The following CNTNAP2 variants were observed in gnomAD, a reference collection of about 807,000 sequenced individuals.
CNTNAP2 encodes contactin-associated protein-like 2.
A neutral mutation model predicts 155.2 loss-of-function variants in CNTNAP2; 98 were observed. The observed-to-expected ratio is 0.63, with a 90% confidence interval of 0.54 to 0.75. The LOEUF is 0.75. Ranked by LOEUF, CNTNAP2 falls within the 30% of genes least tolerant of loss-of-function variation. The pLI is 0.00. For missense variants in CNTNAP2, 1,727 were observed against 1,688.1 expected, an observed-to-expected ratio of 1.02 and a Z score of -0.40; for synonymous variants, 651 against 631.2, an observed-to-expected ratio of 1.03 and a Z score of -0.47.
chr7:147,307,816 C>G (rs1325927223), intron 9 of CNTNAP2, among the ~76,000 whole-genome samples: 1 of 152,142 alleles, frequency 6.6e-6, no homozygotes, highest in African/African-American at 2.4e-5. Flanking sequence ...TACATTCATT[C>G]ATTTATATCC....
intron 1 of CNTNAP2, among the ~76,000 whole-genome samples, chr7:146,583,667 TAG>T: frequency 6.6e-6 from 1 of 152,200 alleles, no homozygotes; most frequent in Non-Finnish European, 1.5e-5. Context: ...AAGATTAATA[TAG>T]GTCTTGTTAC....
At chr7:146,754,073 C>T (rs1445913890) in intron 1 of CNTNAP2, among the ~76,000 whole-genome samples, 1 of 151,998 alleles carries the variant, frequency 6.6e-6, no homozygotes. Context: ...GGCTTTCCTG[C>T]TTTCAATAAG....
At chr7:146,537,536 C>T (rs529998349) in intron 1 of CNTNAP2, among the ~76,000 whole-genome samples, 8 of 151,962 alleles carry the variant, frequency 5.3e-5, no homozygotes, top group Non-Finnish European at 1.0e-4. Context: ...AAATATGTCA[C>T]GTCAGATGGT....
intron 15 of CNTNAP2, among the ~76,000 whole-genome samples, chr7:148,026,450 C>CAA (rs1329437178): frequency 6.6e-6 from 1 of 151,884 alleles, no homozygotes; most frequent in Non-Finnish European, 1.5e-5. Context: ...GACCCCGTCT[C>CAA]AAAAATATAT....
intron 13 of CNTNAP2, among the ~76,000 whole-genome samples, chr7:147,660,936 T>G (rs1273479697): frequency 6.6e-6 from 1 of 152,186 alleles, no homozygotes; most frequent in Non-Finnish European, 1.5e-5. Context: ...ATACTCTTCC[T>G]CTGTCAGAAT....
chr7:146,920,253 A>C (rs1314243553), intron 3 of CNTNAP2, among the ~76,000 whole-genome samples: 4 of 152,092 alleles, frequency 2.6e-5, no homozygotes, highest in African/African-American at 9.7e-5. Flanking sequence ...ATCTCTACTA[A>C]AAATACAAAA....
At chr7:146,907,891 G>A (rs1011597250) in intron 3 of CNTNAP2, among the ~76,000 whole-genome samples, 2 of 152,298 alleles carry the variant, frequency 1.3e-5, no homozygotes, top group East Asian at 1.9e-4. Context: ...TCAGTGTGCT[G>A]TCTTCAGGAA....
chr7:146,861,606 G>A (rs1373171831), intron 3 of CNTNAP2, among the ~76,000 whole-genome samples: 2 of 152,072 alleles, frequency 1.3e-5, no homozygotes, highest in South Asian at 2.1e-4. Flanking sequence ...TTAGCAGGGG[G>A]TAACCATAAA....
At chr7:147,828,575 G>A (rs1798497667) in intron 13 of CNTNAP2, among the ~76,000 whole-genome samples, 1 of 152,030 alleles carries the variant, frequency 6.6e-6, no homozygotes, top group Non-Finnish European at 1.5e-5. Context: ...GGTAATAAAG[G>A]CAAAGTGCCT....
intron 3 of CNTNAP2, among the ~76,000 whole-genome samples, chr7:147,033,178 A>ATATG (rs1799074081): frequency 1.8e-5 from 1 of 54,888 alleles, no homozygotes; most frequent in Non-Finnish European, 3.9e-5. Flanking sequence ...ATATATATAT[A>ATATG]TATATATATA....
At chr7:147,466,782 G>T (rs4604347) in intron 10 of CNTNAP2, among the ~76,000 whole-genome samples, 1 of 152,018 alleles carries the variant, frequency 6.6e-6, no homozygotes, top group Non-Finnish European at 1.5e-5. Flanking sequence ...GCTGGGCATG[G>T]TGGCGGGTGC....
intron 1 of CNTNAP2, among the ~76,000 whole-genome samples, chr7:146,363,334 C>T (rs1004248912): frequency 2.6e-5 from 4 of 152,142 alleles, no homozygotes; most frequent in African/African-American, 9.7e-5. Flanking sequence ...GTCTATCTAA[C>T]TTCTGTATTT....
At chr7:146,332,588 A>G (rs1801204893) in intron 1 of CNTNAP2, among the ~76,000 whole-genome samples, 1 of 152,138 alleles carries the variant, frequency 6.6e-6, no homozygotes, top group African/African-American at 2.4e-5. Context: ...TCCAAGCATG[A>G]ATTATCAGAT....
intron 21 of CNTNAP2, among the ~76,000 whole-genome samples, chr7:148,375,838 CAA>C (rs34887239): frequency 0.046 from 1,795 of 38,610 alleles, 514 homozygotes; most frequent in African/African-American, 0.11. Context: ...ACTAAAAATA[CAA>C]AAAAAAAAAA....
chr7:147,562,035 C>T, intron 11 of CNTNAP2, 103 bp from the exon 12 acceptor site: 2 of 1,448,636 alleles, frequency 1.4e-6, no homozygotes, highest in Admixed American at 3.4e-5. Flanking sequence ...AAGAACTACT[C>T]CTAACTAGTG....
rs371403098 is a variant in CNTNAP2 at position 146,961,939 on chromosome 7, A to C, written c.403-81968A>C. 4.6e-5 allele frequency among the ~76,000 whole-genome samples: 7 copies of C among 152,274 alleles called. 1 individual carries two copies. The highest frequency in any genetic ancestry group is 1.4e-4 in the African/African-American group (6 of 41,566). On this transcript the variant is annotated intron_variant, in intron 3 of 23. Coordinates refer to ENST00000361727, the MANE Select transcript of CNTNAP2 (RefSeq NM_014141.6). ...CTTGGAGTGACTAATGAGCTGCTTG[A>C]GGTCATAGAGAGACTTAGGCAATTA...
At chr7:148,077,740 C>T (rs1803518716) in intron 15 of CNTNAP2, among the ~76,000 whole-genome samples, 1 of 152,124 alleles carries the variant, frequency 6.6e-6, no homozygotes, top group Admixed American at 6.5e-5. Context: ...AATTGTAACT[C>T]TTTAGAATTG....
Position 147,565,688 on chromosome 7 carries a change from A to G in CNTNAP2, c.1897+3431A>G, listed in dbSNP as rs565225352. Among the ~76,000 whole-genome samples, 64 of 152,330 alleles carry G rather than the reference A, an allele frequency of 4.2e-4. 4 individuals carry two copies. In the South Asian group the frequency reaches 0.012, roughly 29 times the overall value. On this transcript the variant is annotated intron_variant, in intron 12 of 23. Transcript: ENST00000361727. The stretch of plus-strand genomic sequence containing the variant: ...TTAAAGAGAGACAGTTATCAATACT[A>G]ACTTCTCAACATATGGACTGAGTAG...
chr7:146,480,351 T>A (rs547191326), intron 1 of CNTNAP2, among the ~76,000 whole-genome samples: 1 of 152,166 alleles, frequency 6.6e-6, no homozygotes, highest in Admixed American at 6.5e-5. Context: ...TAGGTACCAG[T>A]GTCATGGCTT....
Sources: gnomAD v4.1 joint callset for allele counts (sites outside exome capture counted in the v4.1 genomes callset) on GRCh38, gnomAD v4.1.1 for gene constraint, MANE v1.5 for transcripts, NCBI Gene and HGNC (gene_info 2026-07-23, HGNC 2026-07-21) for gene names.